The following LRCH1 variants were observed in gnomAD, a reference collection of about 807,000 sequenced individuals.
LRCH1 encodes leucine-rich repeat and calponin homology domain-containing protein 1.
In LRCH1, 23 loss-of-function variants were observed where a neutral mutation model predicts 94.9. The observed-to-expected ratio is 0.24, with a 90% CI of 0.17 to 0.34. The LOEUF is 0.34. LRCH1 is among the 10% of genes least tolerant of loss of function. The pLI, the probability that LRCH1 is intolerant of heterozygous loss-of-function variation, is 1.00. For missense variants in LRCH1, 790 were observed against 945.9 expected (o/e 0.84, Z 2.16); for synonymous variants, 364 against 354.9 (o/e 1.03, Z -0.29).
intron 2 of LRCH1, among the ~76,000 whole-genome samples, chr13:46,667,997 A>G (rs2051544076): frequency 6.6e-6 from 1 of 152,246 alleles, no homozygotes; most frequent in Non-Finnish European, 1.5e-5. Flanking sequence ...TGTGTGTGCA[A>G]ACACACAGCA....
rs576969049 is a variant in LRCH1 at position 46,664,291 on chromosome 13, C to G, written c.453-4739C>G. The stretch of plus-strand genomic sequence containing the variant: ...AATGACATTTTGGTCAACAATGGAC[C>G]ACATATGTGACAGTGGTATAAGATT... On this transcript the variant is annotated intron_variant, in intron 2 of 19. Transcript: ENST00000389797. Among the ~76,000 whole-genome samples the G allele has an allele frequency of 7.9e-5, 12 of 152,162 alleles. No individual in the cohort carries two copies. In the South Asian group the frequency reaches 2.1e-3, roughly 26 times the overall value.
chr13:46,602,707 C>CT (rs1201362395), intron 1 of LRCH1, among the ~76,000 whole-genome samples: 2 of 152,106 alleles, frequency 1.3e-5, no homozygotes, highest in African/African-American at 2.4e-5. Context: ...AATCCCTACA[C>CT]TTTGGGAGGC....
intron 1 of LRCH1, among the ~76,000 whole-genome samples, chr13:46,622,400 A>G (rs891998695): frequency 6.6e-6 from 1 of 152,172 alleles, no homozygotes; most frequent in Non-Finnish European, 1.5e-5. Context: ...TGTAATTTGC[A>G]TCTTTCCTAA....
intron 2 of LRCH1, among the ~76,000 whole-genome samples, chr13:46,651,677 G>C (rs1302264841): frequency 1.4e-5 from 2 of 146,106 alleles, no homozygotes; most frequent in African/African-American, 5.0e-5. Context: ...AAAAAAAAGA[G>C]TTTAAGTTGC....
chr13:46,658,734 G>C (rs1388460286), intron 2 of LRCH1, among the ~76,000 whole-genome samples: 2 of 152,096 alleles, frequency 1.3e-5, no homozygotes, highest in Non-Finnish European at 2.9e-5. Flanking sequence ...ACCTACCTCA[G>C]ACTCCCAAAG....
chr13:46,698,702 G>T (rs757638933), intron 9 of LRCH1, among the ~76,000 whole-genome samples: 1 of 152,136 alleles, frequency 6.6e-6, no homozygotes, highest in Non-Finnish European at 1.5e-5. Context: ...GGTGCTAAAA[G>T]GGCAATAGGA....
chr13:46,657,500 C>CTTTTTTTTTTTTTTTTTTTTT lies in LRCH1; in HGVS notation c.452+7177_452+7197dup. ...TCATTTTTACTTTTTCTTTTCTTTTCTTTTTTTTTTTTTTTTTTTTTTTTT... is the reference window on the plus strand; with the variant it reads ...TCATTTTTACTTTTTCTTTTCTTTTCTTTTTTTTTTTTTTTTTTTTTTTTTTTTTTTTTTTTTTTTTTTTTT... On this transcript the variant is annotated intron_variant, in intron 2 of 19. Transcript: ENST00000389797. 1.6e-3 allele frequency among the ~76,000 whole-genome samples: 18 copies of CTTTTTTTTTTTTTTTTTTTTT among 11,376 alleles called. 3 individuals carry two copies. The highest frequency in any genetic ancestry group is 2.0e-3 in the Non-Finnish European group (12 of 6,136). The allele number at this position is 11,376 out of a possible 152,430, so 7.5% of individuals were successfully genotyped here.
intron 3 of LRCH1, among the ~76,000 whole-genome samples, chr13:46,677,255 C>CAAAAAAAAA (rs67827727): frequency 9.7e-3 from 946 of 97,334 alleles, no homozygotes; most frequent in Non-Finnish European, 0.014. Flanking sequence ...ACTAAAAATA[C>CAAAAAAAAA]AAAAAAAAAA....
chr13:46,591,478 T>C (rs1164391776), intron 1 of LRCH1, among the ~76,000 whole-genome samples: 1 of 152,174 alleles, frequency 6.6e-6, no homozygotes, highest in Non-Finnish European at 1.5e-5. Flanking sequence ...AAAAGAAATA[T>C]TATTCTGAAT....
At chr13:46,722,412 A>G (rs1331272451) in intron 16 of LRCH1, among the ~76,000 whole-genome samples, 1 of 152,264 alleles carries the variant, frequency 6.6e-6, no homozygotes, top group Non-Finnish European at 1.5e-5. Flanking sequence ...GTATCATTAA[A>G]AAGTTAATTA....
chr13:46,621,637 G>C (rs1048852567), intron 1 of LRCH1, among the ~76,000 whole-genome samples: 1 of 152,122 alleles, frequency 6.6e-6, no homozygotes, highest in Non-Finnish European at 1.5e-5. Flanking sequence ...GCTCTAACTA[G>C]ATTTCTTAGA....
At chr13:46,726,499 G>A (rs1872821444) in intron 17 of LRCH1, among the ~76,000 whole-genome samples, 1 of 152,168 alleles carries the variant, frequency 6.6e-6, no homozygotes, top group African/African-American at 2.4e-5. Context: ...AGACACAAAA[G>A]TTTTAGACCA....
intron 1 of LRCH1, among the ~76,000 whole-genome samples, chr13:46,587,035 G>T (rs540417967): frequency 6.6e-6 from 1 of 152,212 alleles, no homozygotes; most frequent in Non-Finnish European, 1.5e-5. Flanking sequence ...GAGATGCCGT[G>T]TGGTTTGCTA....
intron 16 of LRCH1, among the ~76,000 whole-genome samples, chr13:46,719,804 CCTG>C (rs1872516132): frequency 6.6e-6 from 1 of 151,958 alleles, no homozygotes; most frequent in Non-Finnish European, 1.5e-5. Context: ...TCAAGACCAG[CCTG>C]GTCAACATGG....
At chr13:46,690,905 C>T (rs537335895) in intron 7 of LRCH1, among the ~76,000 whole-genome samples, 1 of 152,334 alleles carries the variant, frequency 6.6e-6, no homozygotes, top group Admixed American at 6.5e-5. Context: ...TCAGGGATCA[C>T]ACCTCATTCT....
At chr13:46,559,515 A>T (rs1216892488) in intron 1 of LRCH1, among the ~76,000 whole-genome samples, 1 of 152,246 alleles carries the variant, frequency 6.6e-6, no homozygotes. Context: ...AGTGGTTCTG[A>T]ATCACGTCTA....
At chr13:46,648,609 A>T (rs1303300257) in intron 1 of LRCH1, among the ~76,000 whole-genome samples, 1 of 152,190 alleles carries the variant, frequency 6.6e-6, no homozygotes, top group Non-Finnish European at 1.5e-5. Flanking sequence ...CAGTTTTTTT[A>T]AAATTCTGGA....
chr13:46,595,960 A>G (rs1406254840), intron 1 of LRCH1, among the ~76,000 whole-genome samples: 1 of 152,100 alleles, frequency 6.6e-6, no homozygotes, highest in Non-Finnish European at 1.5e-5. Flanking sequence ...AATTAAACAC[A>G]TCGGTCATAA....
chr13:46,592,036 A>C (rs1335826052), intron 1 of LRCH1, among the ~76,000 whole-genome samples: 1 of 152,234 alleles, frequency 6.6e-6, no homozygotes, highest in Non-Finnish European at 1.5e-5. Context: ...GCATAGGCAG[A>C]ACTTCTCATC....
Sources: allele counts gnomAD v4.1 joint callset (sites outside exome capture counted in the v4.1 genomes callset), GRCh38; gene constraint gnomAD v4.1.1; transcripts MANE v1.5; gene names NCBI Gene and HGNC (gene_info 2026-07-23, HGNC 2026-07-21).